The following VWA3B variants were observed in gnomAD, a reference collection of about 807,000 sequenced individuals.
The protein encoded by VWA3B is von Willebrand factor A domain containing 3B, also known as von Willebrand factor A domain-containing protein 3B.
A neutral mutation model predicts 158.3 loss-of-function variants in VWA3B; 138 were observed. That is an observed-to-expected ratio of 0.87 (90% CI 0.76 to 1.00). The LOEUF is 1.00. Among genes scored for constraint, VWA3B ranks in the 50% least tolerant of loss-of-function variants. The pLI, the probability that VWA3B is intolerant of heterozygous loss-of-function variation, is 0.00. For missense variants in VWA3B, 1,555 were observed against 1,565.1 expected, an observed-to-expected ratio of 0.99 and a Z score of 0.11; for synonymous variants, 596 against 587.3, an observed-to-expected ratio of 1.01 and a Z score of -0.21.
At chr2:98,163,195 G>A (rs1330207009) in intron 8 of VWA3B, among the ~76,000 whole-genome samples, 1 of 152,138 alleles carries the variant, frequency 6.6e-6, no homozygotes, top group East Asian at 1.9e-4. Context: ...GCTCACATGT[G>A]TGCATATGTG....
intron 15 of VWA3B, 148 bp from the exon 16 acceptor site, chr2:98,229,902 T>C (rs1685208798): frequency 4.6e-6 from 4 of 871,306 alleles, no homozygotes; most frequent in Non-Finnish European, 6.7e-6. Context: ...GATAAATGAC[T>C]ATTTTTATAT....
intron 8 of VWA3B, among the ~76,000 whole-genome samples, chr2:98,173,194 G>T (rs1679738370): frequency 1.3e-5 from 2 of 152,310 alleles, no homozygotes; most frequent in South Asian, 4.1e-4. Context: ...GAGATCTGGG[G>T]CAGGGCGCAG....
intron 3 of VWA3B, among the ~76,000 whole-genome samples, chr2:98,118,058 C>T (rs1471217494): frequency 6.6e-6 from 1 of 152,196 alleles, no homozygotes; most frequent in Admixed American, 6.5e-5. Context: ...CCTTTTTAAA[C>T]TAAGCCTGGT....
At chr2:98,114,239 C>A (rs1006391793) in intron 2 of VWA3B, among the ~76,000 whole-genome samples, 1 of 152,164 alleles carries the variant, frequency 6.6e-6, no homozygotes, top group African/African-American at 2.4e-5. Flanking sequence ...TTATTTCCTT[C>A]AAGCCTCAAA....
downstream of VWA3B, among the ~76,000 whole-genome samples, chr2:98,315,908 A>G (rs1187961090): frequency 2.6e-5 from 4 of 152,242 alleles, no homozygotes; most frequent in Non-Finnish European, 4.4e-5. Context: ...GATCGATTAG[A>G]AGATATGTTG....
intron 21 of VWA3B, among the ~76,000 whole-genome samples, chr2:98,256,809 T>C (rs1687181303): frequency 6.6e-6 from 1 of 152,158 alleles, no homozygotes; most frequent in Non-Finnish European, 1.5e-5. Flanking sequence ...ACATATCTAT[T>C]TATTTTTATT....
At chr2:98,200,799 T>C (rs1319453058) in intron 12 of VWA3B, among the ~76,000 whole-genome samples, 1 of 152,204 alleles carries the variant, frequency 6.6e-6, no homozygotes, top group African/African-American at 2.4e-5. Flanking sequence ...AATGTAATGG[T>C]TTTACATTCT....
chr2:98,255,413 T>TTC (rs778341073), intron 20 of VWA3B, among the ~76,000 whole-genome samples: 20,144 of 151,524 alleles, frequency 0.13, 2,030 homozygotes, highest in Non-Finnish European at 0.2. Context: ...AAGCCTGCTT[T>TTC]TGGGTAATGA....
At chr2:98,183,304 G>A (rs1680748461) in intron 9 of VWA3B, among the ~76,000 whole-genome samples, 1 of 150,506 alleles carries the variant, frequency 6.6e-6, no homozygotes, top group African/African-American at 2.5e-5. Flanking sequence ...TGTGTATAAA[G>A]TAGGAAGAAA....
In VWA3B at chr2:98,312,005, C is replaced by T; in HGVS notation, c.3708C>T (p.Ser1236=). The T allele has an allele frequency of 6.2e-7, 1 of 1,601,788 alleles. No homozygotes were observed. The highest frequency in any genetic ancestry group is 8.5e-7 in the Non-Finnish European group (1 of 1,174,092). The part of the protein sequence containing the change: ...GSSHGISSHG[S]CQGTHPEPRT... ...CCCACGGCATCAGCTCCCATGGGTCCTGCCAGGGGACACACCCCGAGCCCA... is the reference window on the plus strand; with the variant it reads ...CCCACGGCATCAGCTCCCATGGGTCTTGCCAGGGGACACACCCCGAGCCCA... The change falls in exon 27 of 28, where the codon TCC becomes TCT. Residue 1236 remains serine (S), a synonymous_variant. Transcript: ENST00000477737.
chr2:98,328,623 A>G, the VWA3B span, among the ~76,000 whole-genome samples: 1 of 152,226 alleles, frequency 6.6e-6, no homozygotes, highest in Non-Finnish European at 1.5e-5. Flanking sequence ...AGTATTTAGT[A>G]ATAAATTTAG....
intron 21 of VWA3B, among the ~76,000 whole-genome samples, chr2:98,257,275 A>G (rs958983903): frequency 5.3e-5 from 8 of 151,994 alleles, no homozygotes; most frequent in Non-Finnish European, 1.2e-4. Context: ...GCTGCAAATG[A>G]TATTAAGTTG....
intron 8 of VWA3B, 146 bp downstream of exon 8, chr2:98,163,122 G>A: frequency 1.5e-6 from 2 of 1,333,028 alleles, no homozygotes; most frequent in Non-Finnish European, 2.0e-6. Context: ...GCTGTGTGGG[G>A]TGAGGGGTGG....
intron 7 of VWA3B, among the ~76,000 whole-genome samples, chr2:98,155,856 C>G (rs993618065): frequency 6.6e-6 from 1 of 152,112 alleles, no homozygotes; most frequent in Admixed American, 6.5e-5. Flanking sequence ...GACATCCAGG[C>G]ATGAGAATAT....
intron 16 of VWA3B, among the ~76,000 whole-genome samples, 162 bp downstream of exon 16, chr2:98,230,369 T>C (rs1468123442): frequency 6.6e-6 from 1 of 152,218 alleles, no homozygotes. Context: ...TGATCTTATA[T>C]ATACCTACGC....
At chr2:98,129,707 G>A (rs552615669) in intron 6 of VWA3B, among the ~76,000 whole-genome samples, 27 of 152,280 alleles carry the variant, frequency 1.8e-4, no homozygotes, top group Non-Finnish European at 3.5e-4. Flanking sequence ...GTGTGTGTGT[G>A]TATGTGTGTG....
intron 2 of VWA3B, among the ~76,000 whole-genome samples, chr2:98,099,551 G>A (rs934150293): frequency 6.6e-5 from 10 of 151,956 alleles, no homozygotes; most frequent in Non-Finnish European, 2.9e-5. Flanking sequence ...AAAATCTTTT[G>A]GGGTAGTCTT....
intron 8 of VWA3B, among the ~76,000 whole-genome samples, chr2:98,176,248 C>G (rs1248807165): frequency 6.6e-6 from 1 of 151,310 alleles, no homozygotes; most frequent in East Asian, 2.0e-4. Flanking sequence ...TCTTTTCTCC[C>G]CTCCCTTCCT....
chr2:98,187,704 C>T (rs1165748251), intron 9 of VWA3B, among the ~76,000 whole-genome samples: 4 of 103,374 alleles, frequency 3.9e-5, no homozygotes, highest in Non-Finnish European at 7.9e-5. Flanking sequence ...GTGTGTGTGT[C>T]GGTTGGGGGT....
Sources: allele counts gnomAD v4.1 joint callset (sites outside exome capture counted in the v4.1 genomes callset), GRCh38; gene constraint gnomAD v4.1.1; transcripts MANE v1.5; gene names NCBI Gene and HGNC (gene_info 2026-07-23, HGNC 2026-07-21).